The following PRKCA variants were observed in gnomAD, a reference collection of about 807,000 sequenced individuals.
PRKCA encodes the protein protein kinase C alpha, also known as protein kinase C alpha type.
Under a neutral mutation model 87.0 loss-of-function variants are expected in PRKCA, and 27 were observed. The observed-to-expected ratio is 0.31, with a 90% CI of 0.23 to 0.43. The LOEUF (loss-of-function observed/expected upper bound fraction) is 0.43, where lower values mean the gene tolerates loss of function less well. Ranked by LOEUF, PRKCA falls within the 20% of genes least tolerant of loss-of-function variation. The pLI, the probability that PRKCA is intolerant of heterozygous loss-of-function variation, is 1.00. For synonymous variants in PRKCA, 329 were observed against 311.1 expected (o/e 1.06, Z -0.61); for missense variants, 518 against 852.3 (o/e 0.61, Z 4.88).
At chr17:66,512,045 T>C (rs922281575) in intron 3 of PRKCA, among the ~76,000 whole-genome samples, 5 of 152,092 alleles carry the variant, frequency 3.3e-5, no homozygotes, top group African/African-American at 1.2e-4. Context: ...CAGTAGCGCC[T>C]CTGAAGAAAT....
chr17:66,728,539 A>G (rs907652152), intron 8 of PRKCA, among the ~76,000 whole-genome samples: 1 of 152,260 alleles, frequency 6.6e-6, no homozygotes, highest in Non-Finnish European at 1.5e-5. Context: ...GGCCAAGGTC[A>G]TATTGCAAAT....
At chr17:66,472,116 A>T (rs1419471224) in intron 2 of PRKCA, among the ~76,000 whole-genome samples, 1 of 152,078 alleles carries the variant, frequency 6.6e-6, no homozygotes, top group Non-Finnish European at 1.5e-5. Context: ...GGCTTGCACC[A>T]CTGCACCTGG....
At chr17:66,465,755 A>C (rs1915057163) in intron 2 of PRKCA, among the ~76,000 whole-genome samples, 2 of 152,186 alleles carry the variant, frequency 1.3e-5, no homozygotes, top group African/African-American at 2.4e-5. Flanking sequence ...TGGTATTATG[A>C]ACAAAGGTAG....
chr17:66,564,080 TTCTC>T (rs973783532), intron 3 of PRKCA, among the ~76,000 whole-genome samples: 4 of 151,602 alleles, frequency 2.6e-5, no homozygotes, highest in Admixed American at 6.6e-5. Flanking sequence ...CCTTCTTTCT[TTCTC>T]TTTCTTTCTT....
intron 4 of PRKCA, among the ~76,000 whole-genome samples, chr17:66,644,410 C>G (rs557589427): frequency 9.9e-5 from 15 of 152,274 alleles, no homozygotes; most frequent in Admixed American, 7.2e-4. Context: ...AGTGGCCTTC[C>G]CTCCTTCTGG....
rs57292153 is a variant in PRKCA, at chr17:66,347,941, C to CTTTTTTTTTTTTTTTTTTTTTTTTTTTTT, written c.205+41833_205+41834insTTTTTTTTTTTTTTTTTTTTTTTTTTTTT. 2.3e-4 allele frequency among the ~76,000 whole-genome samples: 13 copies of CTTTTTTTTTTTTTTTTTTTTTTTTTTTTT among 56,454 alleles called. 4 individuals carry two copies. The highest frequency in any genetic ancestry group is 3.4e-4 in the African/African-American group (6 of 17,646). The allele number at this position is 56,454 out of a possible 152,430, so 37.0% of individuals were successfully genotyped here. A position where few individuals can be genotyped will look rare whatever the true frequency, so the allele number is the denominator to read the frequency against. ...AGAATATTTACTCAGAATTCTGAAC[C>CTTTTTTTTTTTTTTTTTTTTTTTTTTTTT]TTTTTTTTTTTTTTTTTTTGAGACA... On this transcript the variant is annotated intron_variant, in intron 2 of 16. Transcript: ENST00000413366.
At chr17:66,391,279 G>T (rs1426937481) in intron 2 of PRKCA, among the ~76,000 whole-genome samples, 2 of 152,148 alleles carry the variant, frequency 1.3e-5, no homozygotes, top group Non-Finnish European at 2.9e-5. Flanking sequence ...CATATACTTT[G>T]TTCGTTTATT....
At chr17:66,372,116 T>A (rs1477004955) in intron 2 of PRKCA, among the ~76,000 whole-genome samples, 1 of 152,192 alleles carries the variant, frequency 6.6e-6, no homozygotes, top group Non-Finnish European at 1.5e-5. Context: ...ATGAGTCTCG[T>A]GGGGACTTCA....
chr17:66,611,029 T>C (rs1970347320), intron 3 of PRKCA, among the ~76,000 whole-genome samples: 1 of 152,040 alleles, frequency 6.6e-6, no homozygotes, highest in South Asian at 2.1e-4. Context: ...GGAACTGGGG[T>C]CAAAGACCAA....
intron 2 of PRKCA, among the ~76,000 whole-genome samples, chr17:66,423,045 A>T (rs1204913343): frequency 6.6e-6 from 1 of 152,038 alleles, no homozygotes; most frequent in African/African-American, 2.4e-5. Context: ...AGGGAGGTGG[A>T]GGTTGCAGTG....
intron 12 of PRKCA, 96 bp from the exon 13 acceptor site, chr17:66,742,525 GC>G (rs1162547379): frequency 1.6e-6 from 2 of 1,285,548 alleles, no homozygotes; most frequent in Admixed American, 1.9e-5. Context: ...TTGCCATTGA[GC>G]TGACAGGTAT....
intron 2 of PRKCA, among the ~76,000 whole-genome samples, chr17:66,470,190 CTT>C (rs546468555): frequency 0.36 from 36,398 of 101,654 alleles, 6,091 homozygotes; most frequent in Middle Eastern, 0.43. Flanking sequence ...AACCAGTTTG[CTT>C]TTTTTTTTTT....
At chr17:66,716,588 C>G (rs1421098270) in intron 8 of PRKCA, among the ~76,000 whole-genome samples, 1 of 152,078 alleles carries the variant, frequency 6.6e-6, no homozygotes, top group East Asian at 1.9e-4. Flanking sequence ...AGGTGTTTAG[C>G]AGGTGAGACA....
At chr17:66,418,909 G>A (rs923562556) in intron 2 of PRKCA, among the ~76,000 whole-genome samples, 1 of 148,714 alleles carries the variant, frequency 6.7e-6, no homozygotes, top group African/African-American at 2.5e-5. Flanking sequence ...CCACCATCAC[G>A]CCCGGCTAAT....
chr17:66,553,754 C>T (rs1968412923), intron 3 of PRKCA, among the ~76,000 whole-genome samples: 1 of 152,168 alleles, frequency 6.6e-6, no homozygotes, highest in African/African-American at 2.4e-5. Context: ...GGAAGTGGAT[C>T]CTTTCATTTT....
intron 3 of PRKCA, among the ~76,000 whole-genome samples, chr17:66,591,828 C>A (rs1969814501): frequency 6.6e-6 from 1 of 152,078 alleles, no homozygotes; most frequent in Admixed American, 6.6e-5. Context: ...AGAGAGGGTC[C>A]TTTTATAAAA....
chr17:66,486,786 A>T (rs1475126978), intron 2 of PRKCA, among the ~76,000 whole-genome samples: 1 of 151,630 alleles, frequency 6.6e-6, no homozygotes, highest in Non-Finnish European at 1.5e-5. Flanking sequence ...TCAAATTGAG[A>T]CCCCTGTTTA....
chr17:66,653,907 A>T (rs1971660321), intron 5 of PRKCA, among the ~76,000 whole-genome samples: 1 of 152,158 alleles, frequency 6.6e-6, no homozygotes, highest in Non-Finnish European at 1.5e-5. Flanking sequence ...AAGAGGGGTA[A>T]CTGCTCTTCA....
chr17:66,576,102 A>G (rs1969229964), intron 3 of PRKCA, among the ~76,000 whole-genome samples: 2 of 152,240 alleles, frequency 1.3e-5, no homozygotes, highest in East Asian at 3.8e-4. Context: ...CGACACACCC[A>G]GACTCCATCT....
Sources: allele counts gnomAD v4.1 joint callset (sites outside exome capture counted in the v4.1 genomes callset), GRCh38; gene constraint gnomAD v4.1.1; transcripts MANE v1.5; gene names NCBI Gene and HGNC (gene_info 2026-07-23, HGNC 2026-07-21).